Variants in PACC1 observed in about 807,000 individuals in gnomAD.
The protein encoded by PACC1 is proton activated chloride channel 1.
Under a neutral mutation model 39.7 loss-of-function variants are expected in PACC1, and 34 were observed. That is an observed-to-expected ratio of 0.86 (90% confidence interval 0.65 to 1.14). The LOEUF (loss-of-function observed/expected upper bound fraction) is 1.14, where lower values mean the gene tolerates loss of function less well. Ranked by LOEUF, PACC1 falls within the 50% of genes most tolerant of loss-of-function variation. The pLI is 0.00. For synonymous variants in PACC1, 127 were observed against 160.6 expected, an observed-to-expected ratio of 0.79 and a Z score of 1.58; for missense variants, 379 against 436.4, an observed-to-expected ratio of 0.87 and a Z score of 1.17.
intron 2 of PACC1, among the ~76,000 whole-genome samples, chr1:212,400,994 T>A (rs769943422): frequency 1.1e-4 from 16 of 152,356 alleles, no homozygotes; most frequent in South Asian, 2.1e-4. Context: ...CAGGGAGCAC[T>A]AGGCTAAGAG....
At chr1:212,381,672 GCACAGACACACACACACACACTGCACACA>G (rs1278121652) in intron 4 of PACC1, among the ~76,000 whole-genome samples, 39 of 140,572 alleles carry the variant, frequency 2.8e-4, no homozygotes, top group South Asian at 9.0e-4. Context: ...CTGGGCATGT[GCACAGACACACACACACACACTGCACACA>G]CACACACACA....
rs774164790 is a variant in PACC1 at position 212,386,908 on chromosome 1, T to C, written c.326A>G (p.Asp109Gly). 1.2e-6 allele frequency: 2 copies of C among 1,614,160 alleles called. No homozygotes were observed. Among genetic ancestry groups the C allele is most frequent in the East Asian group, 4.5e-5 (2 of 44,888 alleles). ...GGCTCTACCTGGGGCATCATAGCGA[T>C]CCACTTCCTTGTAAGACACAGACAT... ...PVMSVSYKEV[D>G]RYDAPGIALY... is the part of the protein sequence containing the mutation. The change falls in exon 3 of 8, where the codon GAT (aspartate) becomes GGT (glycine). Residue 109 changes from aspartate (D) to glycine (G), a missense_variant. Asp to Gly is a moderately conservative substitution (Grantham distance 94). Transcript: ENST00000261455. This position sits in a 1 kb window ranked among gnomAD's most constrained non-coding sequence, Gnocchi z 5.0.
At position 212,387,013 on chromosome 1, in the gene PACC1, T is replaced by A. The variant is rs771847878; in HGVS notation, c.221A>T (p.Tyr74Phe). The A allele has an allele frequency of 3.1e-6, 5 of 1,613,958 alleles. No individual in the cohort carries two copies. The highest frequency in any genetic ancestry group is 3.4e-6 in the Non-Finnish European group (4 of 1,180,026). ...GACGGCCACAGCCATGAGCAGCAGG[T>A]AGATGAAGATGAGTAGGACCGAGAA... Reference protein sequence around the residue: ...NVFSVLLIFIYLLLMAVAVFL... With the variant: ...NVFSVLLIFIFLLLMAVAVFL... Residue 74 changes from tyrosine (Y) to phenylalanine (F), a missense_variant, in exon 3 of 8, where the codon TAC becomes TTC. Coordinates refer to ENST00000261455, the MANE Select transcript of PACC1 (RefSeq NM_018252.3).
intron 5 of PACC1, among the ~76,000 whole-genome samples, chr1:212,379,194 T>C (rs1000377120): frequency 3.4e-4 from 52 of 152,272 alleles, no homozygotes; most frequent in African/African-American, 1.2e-3. Flanking sequence ...CCGCCCACCT[T>C]GGCCTCCCAA....
intron 2 of PACC1, among the ~76,000 whole-genome samples, chr1:212,407,241 G>A (rs866972760): frequency 6.6e-5 from 10 of 152,236 alleles, no homozygotes; most frequent in East Asian, 1.9e-4. Flanking sequence ...AGAAAGACTC[G>A]ACGAGCCACT....
In PACC1 at chr1:212,372,288, A is replaced by AAAAAAC. The variant is rs1275069301; in HGVS notation, c.891+2904_891+2905insGTTTTT. Among the ~76,000 whole-genome samples, 6 of 151,118 alleles carry AAAAAAC rather than the reference A, an allele frequency of 4.0e-5. No individual in the cohort carries two copies. The South Asian group carries it at 1.0e-3, about 26-fold the overall frequency. On this transcript the variant is annotated intron_variant, in intron 7 of 7. Coordinates refer to ENST00000261455, the MANE Select transcript of PACC1 (RefSeq NM_018252.3). ...AGACAGAATGAAACTGTGTCAAAAA[A>AAAAAAC]AAAAAACAAAAAACAAAAAACAAAA... is the stretch of plus-strand genomic sequence containing the variant.
chr1:212,377,378 A>G (rs545789193), intron 6 of PACC1, among the ~76,000 whole-genome samples, 184 bp downstream of exon 6: 7 of 152,334 alleles, frequency 4.6e-5, no homozygotes, highest in African/African-American at 1.7e-4. Context: ...TGCCTGCAGA[A>G]GCACACACAG....
intron 2 of PACC1, among the ~76,000 whole-genome samples, chr1:212,388,476 T>C (rs1250019371): frequency 6.6e-6 from 1 of 152,114 alleles, no homozygotes; most frequent in Non-Finnish European, 1.5e-5. Flanking sequence ...TAACCCTCAA[T>C]GTGAGTATAT....
Position 212,380,047 on chromosome 1 carries a change from G to GAA in PACC1, c.496-12_496-11dup. The GAA allele has an allele frequency of 6.2e-7, 1 of 1,612,588 alleles. No homozygotes were observed. Among genetic ancestry groups the GAA allele is most frequent in the Admixed American group, 1.7e-5 (1 of 59,594 alleles). ...CAATCAGGGCAGATTTCTGCAGAGA[G>GAA]AAAAAGGACAGAGTCTCAGTCCTGG... is the stretch of plus-strand genomic sequence containing the variant. On this transcript the variant is annotated splice_polypyrimidine_tract_variant and intron_variant, in intron 4 of 7. Coordinates refer to ENST00000261455, the MANE Select transcript of PACC1 (RefSeq NM_018252.3).
At position 212,375,227 on chromosome 1, in the gene PACC1, T is replaced by G; in HGVS notation, c.857A>C (p.Glu286Ala). 6.2e-7 allele frequency: 1 copy of G among 1,614,004 alleles called. No individual in the cohort carries two copies. The highest frequency in any genetic ancestry group is 8.5e-7 in the Non-Finnish European group (1 of 1,179,890). ...KSAQLFFVVF[E>A]WKDPFIQKVQ... ...TTTCTGGATGAAAGGATCTTTCCAT[T>G]CAAAGACCACAAAAAACAATTGAGC... is the stretch of plus-strand genomic sequence containing the variant. Residue 286 changes from glutamate to alanine, a missense_variant, in exon 7 of 8, where the codon GAA becomes GCA. Coordinates refer to ENST00000261455, the MANE Select transcript of PACC1 (RefSeq NM_018252.3).
intron 1 of PACC1, among the ~76,000 whole-genome samples, chr1:212,413,034 T>G (rs932647107): frequency 3.9e-5 from 6 of 152,204 alleles, no homozygotes; most frequent in Non-Finnish European, 8.8e-5. Flanking sequence ...GCTTTCTGAC[T>G]TTTATCCACT....
chr1:212,373,062 A>G (rs1660517823), intron 7 of PACC1, among the ~76,000 whole-genome samples: 1 of 152,238 alleles, frequency 6.6e-6, no homozygotes, highest in African/African-American at 2.4e-5. Context: ...ATCCTGGGCA[A>G]AAAGAACAAA....
At chr1:212,379,375 G>A (rs969556875) in intron 5 of PACC1, among the ~76,000 whole-genome samples, 1 of 152,214 alleles carries the variant, frequency 6.6e-6, no homozygotes, top group Admixed American at 6.5e-5. Context: ...GCTGTTAGTA[G>A]TTTTGGGGGT....
rs183538942 is a variant in PACC1, at chr1:212,375,292, C to T, written c.792G>A (p.Val264=). 1 of 1,612,998 alleles carries T rather than the reference C, an allele frequency of 6.2e-7. No homozygotes were observed. The highest frequency in any genetic ancestry group is 1.3e-5 in the African/African-American group (1 of 74,970). ...CTGGCCTCTGGTCAATGTAGTTAAC[C>T]ACACTTGTCTAGATGTGGAGGAGAG... ...EAVEFRQETS[V]VNYIDQRPAA... The change falls in exon 7 of 8, where the codon GTG becomes GTA. Residue 264 remains valine, a synonymous_variant. Transcript: ENST00000261455.
intron 2 of PACC1, among the ~76,000 whole-genome samples, chr1:212,406,713 GCTC>G (rs1661934030): frequency 6.6e-6 from 1 of 152,202 alleles, no homozygotes; most frequent in Non-Finnish European, 1.5e-5. Flanking sequence ...AAGTGGGAAT[GCTC>G]TTGCCAGTTG....
chr1:212,401,209 A>C (rs1330881222), intron 2 of PACC1, among the ~76,000 whole-genome samples: 1 of 152,174 alleles, frequency 6.6e-6, no homozygotes, highest in African/African-American at 2.4e-5. Flanking sequence ...CATACCCAAG[A>C]GTGGTTACTT....
At chr1:212,366,300 CTTTTTTT>C (rs35052406) in intron 7 of PACC1, among the ~76,000 whole-genome samples, 1 of 107,428 alleles carries the variant, frequency 9.3e-6, no homozygotes, top group Non-Finnish European at 1.9e-5. Context: ...GGTAAGAATA[CTTTTTTT>C]TTTTTTTTTT....
intron 2 of PACC1, among the ~76,000 whole-genome samples, chr1:212,388,068 A>AG (rs1661171523): frequency 6.6e-6 from 1 of 151,474 alleles, no homozygotes; most frequent in African/African-American, 2.4e-5. Flanking sequence ...AAAAAAAAAA[A>AG]AAGAAAAAAG....
At chr1:212,379,874 C>T (rs1313379274) in intron 5 of PACC1, 21 bp downstream of exon 5, 2 of 1,613,788 alleles carry the variant, frequency 1.2e-6, no homozygotes, top group East Asian at 2.2e-5. Context: ...AGTAAGCCCA[C>T]TGTGAACTCT....
Sources: gnomAD v4.1 joint callset for allele counts (sites outside exome capture counted in the v4.1 genomes callset) on GRCh38, gnomAD v4.1.1 for gene constraint, Gnocchi (gnomAD v3.1) non-coding constraint, MANE v1.5 for transcripts, NCBI Gene and HGNC (gene_info 2026-07-23, HGNC 2026-07-21) for gene names.